Variants in DCAF8L2 observed in about 807,000 individuals in gnomAD.
DCAF8L2 encodes the protein DDB1 and CUL4 associated factor 8 like 2.
For synonymous variants in DCAF8L2, 200 were observed against 190.9 expected (o/e 1.05, Z -0.39); for missense variants, 430 against 490.7 (o/e 0.88, Z 1.17).
chrX:27,748,564 A>C lies in DCAF8L2; in HGVS notation c.1669A>C (p.Ile557Leu). The change falls in exon 5 of 5, where the codon ATT (isoleucine) becomes CTT (leucine). Residue 557 changes from isoleucine (I) to leucine (L), a missense_variant. By Grantham distance (5) the Ile-to-Leu change is conservative. Transcript: ENST00000451261. ...TGAGCTTACTGGGTTAAAGAAGGTG[A>C]TTAAGAAGAACAAGTGGGAACGAGA... ...ATELTGLKKV[I>L]KKNKWERDED... 3 of 1,210,678 alleles carry C rather than the reference A, an allele frequency of 2.5e-6. No individual in the cohort carries two copies. The highest frequency in any genetic ancestry group is 3.4e-6 in the Non-Finnish European group (3 of 894,709).
chrX:27,531,608 C>T, the DCAF8L2 span, among the ~76,000 whole-genome samples: 1 of 111,957 alleles, frequency 8.9e-6, no homozygotes, highest in Non-Finnish European at 1.9e-5. Flanking sequence ...TCCTTGATTT[C>T]CTGGTGCCAA....
At chrX:27,674,322 G>GC (rs980198943) in intron 2 of DCAF8L2, among the ~76,000 whole-genome samples, 5 of 111,034 alleles carry the variant, frequency 4.5e-5, no homozygotes. Flanking sequence ...TACTTATTGT[G>GC]CCCCCCTTCC....
At chrX:27,740,420 A>T (rs969639383) in intron 4 of DCAF8L2, among the ~76,000 whole-genome samples, 3 of 111,953 alleles carry the variant, frequency 2.7e-5, no homozygotes, top group African/African-American at 9.8e-5. Flanking sequence ...AGCTGGTGTC[A>T]TCCTTTTAAA....
the DCAF8L2 span, among the ~76,000 whole-genome samples, chrX:27,496,154 C>T: frequency 1.8e-5 from 2 of 111,245 alleles, no homozygotes; most frequent in Admixed American, 1.9e-4. Context: ...ATCAATTATT[C>T]CTTCTCATGC....
At chrX:27,518,352 G>A in the DCAF8L2 span, 1 of 996,921 alleles carries the variant, frequency 1.0e-6, no homozygotes, top group Non-Finnish European at 1.4e-6. Context: ...CTGGCATGAA[G>A]AACATAGAGG....
the DCAF8L2 span, among the ~76,000 whole-genome samples, chrX:27,469,948 A>T: frequency 9.1e-6 from 1 of 110,177 alleles, no homozygotes; most frequent in Non-Finnish European, 1.9e-5. Context: ...TTTTATTTTT[A>T]GTAGAGACTG....
At chrX:27,661,627 A>T (rs1270276425) in intron 2 of DCAF8L2, among the ~76,000 whole-genome samples, 3 of 112,187 alleles carry the variant, frequency 2.7e-5, no homozygotes, top group African/African-American at 9.7e-5. Flanking sequence ...TATTACTGGA[A>T]TTAAAAAGAA....
chrX:27,613,040 C>T (rs1435353028), intron 1 of DCAF8L2, among the ~76,000 whole-genome samples: 2 of 111,535 alleles, frequency 1.8e-5, no homozygotes, highest in African/African-American at 6.5e-5. Flanking sequence ...TTACTTTGGG[C>T]AGTATGGCCA....
the DCAF8L2 span, chrX:27,519,379 G>A: frequency 3.0e-5 from 35 of 1,153,337 alleles, no homozygotes; most frequent in East Asian, 1.2e-4. Flanking sequence ...ACAAGCTGCC[G>A]ACCAGATGAA....
the DCAF8L2 span, among the ~76,000 whole-genome samples, chrX:27,569,017 G>A: frequency 9.4e-6 from 1 of 106,019 alleles, no homozygotes; most frequent in Non-Finnish European, 1.9e-5. Context: ...TTTAACCTTT[G>A]CTGTGAGAAG....
chrX:27,649,812 C>T (rs900713489), intron 2 of DCAF8L2, among the ~76,000 whole-genome samples: 1 of 111,784 alleles, frequency 8.9e-6, no homozygotes, highest in African/African-American at 3.2e-5. Context: ...AAATTAGGTC[C>T]TATTTGTCAA....
intron 3 of DCAF8L2, among the ~76,000 whole-genome samples, chrX:27,688,594 T>C (rs970355444): frequency 4.5e-5 from 5 of 111,143 alleles, no homozygotes; most frequent in Non-Finnish European, 7.5e-5. Context: ...TTTGTTGTAT[T>C]ATTATTATTG....
chrX:27,543,197 A>C, the DCAF8L2 span, among the ~76,000 whole-genome samples: 1 of 112,368 alleles, frequency 8.9e-6, no homozygotes, highest in Non-Finnish European at 1.9e-5. Flanking sequence ...TTCAGTCTAC[A>C]TAAGGCTAGC....
the DCAF8L2 span, among the ~76,000 whole-genome samples, chrX:27,515,930 C>T: frequency 8.9e-6 from 1 of 112,036 alleles, no homozygotes; most frequent in Non-Finnish European, 1.9e-5. Flanking sequence ...TACGTTTTGT[C>T]CTACAAAGTT....
intron 4 of DCAF8L2, among the ~76,000 whole-genome samples, chrX:27,741,650 T>C (rs986881717): frequency 9.0e-6 from 1 of 111,696 alleles, no homozygotes; most frequent in African/African-American, 3.3e-5. Flanking sequence ...ACCTCGCTGA[T>C]TTCAGAGGTG....
intron 2 of DCAF8L2, among the ~76,000 whole-genome samples, chrX:27,642,497 G>C (rs944599877): frequency 9.0e-6 from 1 of 110,623 alleles, no homozygotes; most frequent in Admixed American, 9.7e-5. Context: ...TTTCTCACAT[G>C]TATGTTCTGA....
chrX:27,623,560 G>T (rs1483702815), intron 1 of DCAF8L2, among the ~76,000 whole-genome samples: 1 of 109,621 alleles, frequency 9.1e-6, no homozygotes, highest in East Asian at 2.8e-4. Context: ...AAATGAAAAG[G>T]GTAAAAAAAA....
At chrX:27,587,985 A>AAAAATATATATAT, upstream of DCAF8L2, among the ~76,000 whole-genome samples, 10 of 22,362 alleles carry the variant, frequency 4.5e-4, no homozygotes, top group African/African-American at 8.9e-4. Context: ...TAAAAAAAAA[A>AAAAATATATATAT]ATATATATAT....
chrX:27,662,714 T>C (rs1158678599), intron 2 of DCAF8L2, among the ~76,000 whole-genome samples: 1 of 111,671 alleles, frequency 9.0e-6, no homozygotes, highest in Non-Finnish European at 1.9e-5. Flanking sequence ...ATAAATGATT[T>C]AACACTCATT....
Sources: gnomAD v4.1 joint callset for allele counts (sites outside exome capture counted in the v4.1 genomes callset) on GRCh38, gnomAD v4.1.1 for gene constraint, MANE v1.5 for transcripts, NCBI Gene and HGNC (gene_info 2026-07-23, HGNC 2026-07-21) for gene names.